Variants in PRKAG2 observed in about 807,000 individuals in gnomAD.
The protein encoded by PRKAG2 is 5'-AMP-activated protein kinase subunit gamma-2.
Under a neutral mutation model 69.6 loss-of-function variants are expected in PRKAG2, and 26 were observed. That is an observed-to-expected ratio of 0.37 (90% confidence interval 0.27 to 0.52). The LOEUF (loss-of-function observed/expected upper bound fraction) is 0.52, where lower values mean the gene tolerates loss of function less well. Ranked by LOEUF, PRKAG2 falls within the 20% of genes least tolerant of loss-of-function variation. PRKAG2 has a pLI of 0.90. For synonymous variants in PRKAG2, 293 were observed against 285.0 expected (o/e 1.03, Z -0.28); for missense variants, 557 against 740.0 (o/e 0.75, Z 2.87).
intron 3 of PRKAG2, among the ~76,000 whole-genome samples, chr7:151,741,717 G>A (rs2073908049): frequency 6.6e-6 from 1 of 151,870 alleles, no homozygotes; most frequent in South Asian, 2.1e-4. Flanking sequence ...TAGTGACTGA[G>A]GTAAATGTAT....
rs151112580 is a variant in PRKAG2 at position 151,683,696 on chromosome 7, G to A, written c.467-8059C>T. Among the ~76,000 whole-genome samples the A allele has an allele frequency of 9.8e-3, 1,493 of 152,250 alleles. 11 individuals carry two copies. The highest frequency in any genetic ancestry group is 0.016 in the Non-Finnish European group (1,090 of 68,006). ...CTACTTTGGAGGGAGGATGGCGAGC[G>A]CCGTGAGGGGGAACGGTGGCCCAGG... On this transcript the variant is annotated intron_variant, in intron 3 of 15. Transcript: ENST00000287878.
Position 151,757,043 on chromosome 7 carries a change from C to G in PRKAG2, c.466+24109G>C, listed in dbSNP as rs1256044245. Among the ~76,000 whole-genome samples the G allele has an allele frequency of 4.6e-5, 7 of 152,206 alleles. No individual in the cohort carries two copies. In the South Asian group the frequency reaches 1.5e-3, roughly 32 times the overall value. On this transcript the variant is annotated intron_variant, in intron 3 of 15. Coordinates refer to ENST00000287878, the MANE Select transcript of PRKAG2 (RefSeq NM_016203.4). ...TGACCCCCCGGTTTTTGGTCTTGCT[C>G]TATATTTAGGGACAATGGCCCTATT... is the stretch of plus-strand genomic sequence containing the variant.
At chr7:151,826,083 T>C (rs556835449) in intron 1 of PRKAG2, among the ~76,000 whole-genome samples, 1 of 152,212 alleles carries the variant, frequency 6.6e-6, no homozygotes, top group Non-Finnish European at 1.5e-5. Flanking sequence ...CCCCAGTTGG[T>C]ATGCAAAGCT....
intron 1 of PRKAG2, among the ~76,000 whole-genome samples, chr7:151,829,806 A>G (rs1421727220): frequency 6.6e-6 from 1 of 151,832 alleles, no homozygotes; most frequent in Non-Finnish European, 1.5e-5. Flanking sequence ...GGGACCCTGC[A>G]GCGGGGGAGG....
At position 151,583,570 on chromosome 7, in the gene PRKAG2, T is replaced by C. The variant is rs1180351337; in HGVS notation, c.865-7118A>G. 6.6e-6 allele frequency among the ~76,000 whole-genome samples: 1 copy of C among 152,184 alleles called. No homozygotes were observed. Among genetic ancestry groups the C allele is most frequent in the Non-Finnish European group, 1.5e-5 (1 of 68,038 alleles). On this transcript the variant is annotated intron_variant, in intron 6 of 15. Transcript: ENST00000287878. The surrounding 1 kb of genome is among the most constrained non-coding windows in gnomAD (Gnocchi z 4.1). Reference sequence around the variant, plus strand: ...CTGTTTATAAAGCAATTTAAAATCATACTTGGAAAATTCTCCATAATTATA... The same window carrying C: ...CTGTTTATAAAGCAATTTAAAATCACACTTGGAAAATTCTCCATAATTATA...
rs927109083 is a variant in PRKAG2, at chr7:151,847,486, G to A, written c.114+29021C>T. 2.0e-5 allele frequency among the ~76,000 whole-genome samples: 3 copies of A among 152,074 alleles called. No individual in the cohort carries two copies. The East Asian group carries it at 5.8e-4, about 29-fold the overall frequency. ...CTTGTCCCCGAGCCTCTCTCTCTAG[G>A]AACTTGTCCTTCCCACAGGACATCG... is the stretch of plus-strand genomic sequence containing the variant. On this transcript the variant is annotated intron_variant, in intron 1 of 15. Coordinates refer to ENST00000287878, the MANE Select transcript of PRKAG2 (RefSeq NM_016203.4).
intron 1 of PRKAG2, among the ~76,000 whole-genome samples, chr7:151,845,578 T>C (rs1023620593): frequency 3.9e-5 from 6 of 152,150 alleles, no homozygotes; most frequent in Non-Finnish European, 8.8e-5. Context: ...GTCTGGGCCC[T>C]GGCAGCATCA....
At chr7:151,576,791 G>A (rs919761426) in intron 6 of PRKAG2, among the ~76,000 whole-genome samples, 10 of 152,088 alleles carry the variant, frequency 6.6e-5, no homozygotes, top group Admixed American at 1.3e-4. Context: ...GTGAGCCACC[G>A]CACCTGGCCA....
At chr7:151,782,285 GAGAAAGGAAAGAAAGGAAGGA>G (rs2076714011) in intron 2 of PRKAG2, among the ~76,000 whole-genome samples, 1 of 134,648 alleles carries the variant, frequency 7.4e-6, no homozygotes, top group Non-Finnish European at 1.6e-5. Context: ...TCCATTTCAA[GAGAAAGGAAAGAAAGGAAGGA>G]AGGAAGGAAG....
chr7:151,846,288 C>A (rs1022736035), intron 1 of PRKAG2, among the ~76,000 whole-genome samples: 1 of 151,904 alleles, frequency 6.6e-6, no homozygotes, highest in African/African-American at 2.4e-5. Context: ...GCCAACATAG[C>A]GAAACCCCGT....
At chr7:151,652,137 AC>A (rs1350346195) in intron 4 of PRKAG2, among the ~76,000 whole-genome samples, 2 of 152,202 alleles carry the variant, frequency 1.3e-5, no homozygotes, top group Non-Finnish European at 2.9e-5. Flanking sequence ...ATCACAGTGT[AC>A]CCCATAATTA....
chr7:151,559,420 AC>A, intron 15 of PRKAG2: 1 of 985,424 alleles, frequency 1.0e-6, no homozygotes, highest in East Asian at 1.1e-4. Context: ...AAGTGACTGC[AC>A]CAGGCCCCAT....
chr7:151,631,341 A>T (rs1466675826), intron 5 of PRKAG2, among the ~76,000 whole-genome samples: 1 of 152,228 alleles, frequency 6.6e-6, no homozygotes, highest in Non-Finnish European at 1.5e-5. Context: ...TCCCGTTCAA[A>T]TGTTAACAGC....
chr7:151,664,887 G>T (rs73481947), intron 4 of PRKAG2, among the ~76,000 whole-genome samples: 3,229 of 152,214 alleles, frequency 0.021, 115 homozygotes, highest in African/African-American at 0.073. Flanking sequence ...AGTGGCCATC[G>T]TCATGGTTAA....
At chr7:151,656,277 G>A (rs188413760) in intron 4 of PRKAG2, among the ~76,000 whole-genome samples, 13 of 152,270 alleles carry the variant, frequency 8.5e-5, no homozygotes, top group South Asian at 2.1e-4. Context: ...GAATTTGGCC[G>A]GGCATGGTGG....
intron 3 of PRKAG2, among the ~76,000 whole-genome samples, chr7:151,767,650 A>C (rs2075808014): frequency 6.6e-6 from 1 of 152,214 alleles, no homozygotes; most frequent in Admixed American, 6.5e-5. Flanking sequence ...TACCAAATGA[A>C]TACACCTGTC....
intron 3 of PRKAG2, among the ~76,000 whole-genome samples, chr7:151,755,057 G>T (rs912157091): frequency 2.0e-5 from 3 of 152,150 alleles, no homozygotes; most frequent in African/African-American, 7.2e-5. Flanking sequence ...CCCCGACAGA[G>T]AGTTCTGAAG....
chr7:151,630,477 C>T (rs1333866996), intron 5 of PRKAG2, among the ~76,000 whole-genome samples: 1 of 152,154 alleles, frequency 6.6e-6, no homozygotes, highest in Non-Finnish European at 1.5e-5. Context: ...TGCCATGATA[C>T]GGATTGGCTC....
At position 151,850,911 on chromosome 7, in the gene PRKAG2, C is replaced by T. The variant is rs545349898; in HGVS notation, c.114+25596G>A. Among the ~76,000 whole-genome samples the T allele has an allele frequency of 7.2e-5, 11 of 152,290 alleles. No homozygotes were observed. Among genetic ancestry groups the T allele is most frequent in the African/African-American group, 1.2e-4 (5 of 41,566 alleles). On this transcript the variant is annotated intron_variant, in intron 1 of 15. Coordinates refer to ENST00000287878, the MANE Select transcript of PRKAG2 (RefSeq NM_016203.4). The surrounding 1 kb of genome is among the most constrained non-coding windows in gnomAD (Gnocchi z 4.1). ...GAATAAGAAGTCCTCGATGAGCCGC[C>T]GCAATGTGACCTTAGGCCAGTCACT...
Sources: gnomAD v4.1 joint callset for allele counts (sites outside exome capture counted in the v4.1 genomes callset) on GRCh38, gnomAD v4.1.1 for gene constraint, Gnocchi (gnomAD v3.1) non-coding constraint, MANE v1.5 for transcripts, NCBI Gene and HGNC (gene_info 2026-07-23, HGNC 2026-07-21) for gene names.